Variants in DPP6 observed in about 807,000 individuals in gnomAD.
The protein encoded by DPP6 is dipeptidyl peptidase like 6, also known as A-type potassium channel modulatory protein DPP6.
A neutral mutation model predicts 122.6 loss-of-function variants in DPP6; 69 were observed. The ratio of observed to expected loss-of-function variants is 0.56; its 90% CI spans 0.46 to 0.69. The LOEUF (loss-of-function observed/expected upper bound fraction) is 0.69, where lower values mean the gene tolerates loss of function less well. Among genes scored for constraint, DPP6 ranks in the 30% least tolerant of loss-of-function variants. The pLI, the probability that DPP6 is intolerant of heterozygous loss-of-function variation, is 0.00. For missense variants in DPP6, 928 were observed against 1,116.9 expected (o/e 0.83, Z 2.41); for synonymous variants, 418 against 433.1 (o/e 0.97, Z 0.43).
At chr7:154,382,572 A>G (rs1198009866) in intron 1 of DPP6, among the ~76,000 whole-genome samples, 1 of 152,248 alleles carries the variant, frequency 6.6e-6, no homozygotes, top group Non-Finnish European at 1.5e-5. Flanking sequence ...CTAATAGCTA[A>G]CAAATGTTTA....
At chr7:154,491,049 T>C (rs528994634) in intron 3 of DPP6, among the ~76,000 whole-genome samples, 1 of 152,348 alleles carries the variant, frequency 6.6e-6, no homozygotes, top group East Asian at 1.9e-4. Context: ...AGAATGCCCC[T>C]TTCTGGCTGA....
the DPP6 span, among the ~76,000 whole-genome samples, chr7:153,818,908 CG>C: frequency 2.8e-4 from 42 of 151,856 alleles, no homozygotes; most frequent in African/African-American, 9.4e-4. Flanking sequence ...CATGCCACCA[CG>C]CTTGGCTAAT....
chr7:154,230,283 T>C (rs968226125), intron 1 of DPP6, among the ~76,000 whole-genome samples: 3 of 152,172 alleles, frequency 2.0e-5, no homozygotes, highest in Non-Finnish European at 4.4e-5. Flanking sequence ...TAGGTAAAGA[T>C]TTGCTCTGCA....
intron 1 of DPP6, among the ~76,000 whole-genome samples, chr7:154,292,998 T>C (rs984460505): frequency 1.3e-5 from 2 of 152,210 alleles, no homozygotes; most frequent in African/African-American, 2.4e-5. Flanking sequence ...TTGTCTTCAT[T>C]TGGTGTTTTA....
chr7:153,810,282 T>C, the DPP6 span, among the ~76,000 whole-genome samples: 2 of 152,002 alleles, frequency 1.3e-5, no homozygotes, highest in Non-Finnish European at 2.9e-5. Context: ...GGTTTTAGAG[T>C]TGGAAAAGAA....
intron 1 of DPP6, among the ~76,000 whole-genome samples, chr7:154,444,887 T>C (rs1242973771): frequency 6.6e-6 from 1 of 152,246 alleles, no homozygotes; most frequent in African/African-American, 2.4e-5. Context: ...CGGATAGTCT[T>C]ACTTTTTAAG....
chr7:154,607,677 A>G (rs1463134658), intron 5 of DPP6, among the ~76,000 whole-genome samples: 2 of 118,254 alleles, frequency 1.7e-5, no homozygotes, highest in Non-Finnish European at 3.8e-5. Context: ...GTAAACAGAA[A>G]ACATGAACTT....
intron 1 of DPP6, among the ~76,000 whole-genome samples, chr7:154,146,761 A>G (rs1489367459): frequency 2.0e-5 from 3 of 152,242 alleles, no homozygotes; most frequent in East Asian, 1.9e-4. Flanking sequence ...GCAACGACCT[A>G]ACACACTATA....
intron 17 of DPP6, among the ~76,000 whole-genome samples, chr7:154,859,832 G>A (rs1171226731): frequency 3.9e-5 from 6 of 152,184 alleles, no homozygotes; most frequent in East Asian, 1.9e-4. Flanking sequence ...ACTTAGAGAC[G>A]TGGATGCCAA....
At chr7:154,756,906 C>G (rs1027625995) in intron 8 of DPP6, among the ~76,000 whole-genome samples, 1 of 151,928 alleles carries the variant, frequency 6.6e-6, no homozygotes, top group Non-Finnish European at 1.5e-5. Flanking sequence ...CCTTTCCACC[C>G]GTCACATCCC....
chr7:154,302,728 A>G (rs1347406113), intron 1 of DPP6, among the ~76,000 whole-genome samples: 1 of 152,194 alleles, frequency 6.6e-6, no homozygotes, highest in Non-Finnish European at 1.5e-5. Context: ...GAGAAGGAAA[A>G]TGGGATGCAC....
At chr7:153,801,646 G>C in the DPP6 span, among the ~76,000 whole-genome samples, 1 of 152,160 alleles carries the variant, frequency 6.6e-6, no homozygotes, top group African/African-American at 2.4e-5. Flanking sequence ...AGGAGCCTCA[G>C]AGCCTATTTG....
chr7:154,660,666 C>T (rs558594439), intron 6 of DPP6, among the ~76,000 whole-genome samples: 1 of 129,460 alleles, frequency 7.7e-6, no homozygotes, highest in South Asian at 2.6e-4. Flanking sequence ...GCGTATTGGC[C>T]GTAGTATTCA....
At chr7:153,859,408 C>T in the DPP6 span, among the ~76,000 whole-genome samples, 4 of 152,220 alleles carry the variant, frequency 2.6e-5, no homozygotes, top group South Asian at 2.1e-4. Context: ...ATGCCAATGA[C>T]GGTGGTGAAG....
intron 1 of DPP6, among the ~76,000 whole-genome samples, chr7:154,310,305 C>T (rs142775785): frequency 1.2e-4 from 19 of 152,330 alleles, no homozygotes; most frequent in African/African-American, 4.3e-4. Context: ...AAGCACGCAA[C>T]TAGCCTGGAG....
intron 1 of DPP6, among the ~76,000 whole-genome samples, chr7:154,120,153 C>T (rs1283613379): frequency 6.6e-6 from 1 of 152,106 alleles, no homozygotes; most frequent in South Asian, 2.1e-4. Context: ...GTGTTTTTTA[C>T]ACTTTATAAT....
chr7:154,085,789 A>T (rs2907729), intron 1 of DPP6, among the ~76,000 whole-genome samples: 1 of 152,162 alleles, frequency 6.6e-6, no homozygotes, highest in Non-Finnish European at 1.5e-5. Flanking sequence ...ATGCAATGGC[A>T]CGATCTTGGC....
At chr7:154,328,765 TC>T (rs1308892419) in intron 1 of DPP6, among the ~76,000 whole-genome samples, 12 of 152,162 alleles carry the variant, frequency 7.9e-5, no homozygotes, top group African/African-American at 2.2e-4. Flanking sequence ...ACCCACTGGC[TC>T]CTTGTCATTA....
At chr7:153,773,483 A>T in the DPP6 span, among the ~76,000 whole-genome samples, 1 of 151,750 alleles carries the variant, frequency 6.6e-6, no homozygotes, top group Non-Finnish European at 1.5e-5. Flanking sequence ...AACCTCACCA[A>T]ATCTGAAAGA....
Sources: gnomAD v4.1 joint callset for allele counts (sites outside exome capture counted in the v4.1 genomes callset) on GRCh38, gnomAD v4.1.1 for gene constraint, MANE v1.5 for transcripts, NCBI Gene and HGNC (gene_info 2026-07-23, HGNC 2026-07-21) for gene names.